The following TNNI3K variants were observed in gnomAD, a reference collection of about 807,000 sequenced individuals.
TNNI3K encodes the protein TNNI3 interacting kinase.
A neutral mutation model predicts 114.5 loss-of-function variants in TNNI3K; 140 were observed. That is an observed-to-expected ratio of 1.22 (90% CI 1.07 to 1.41). The LOEUF is 1.41. TNNI3K is among the 40% of genes most tolerant of loss of function. The probability of loss-of-function intolerance (pLI) is 0.00; values close to 1 mark genes in which losing one functional copy is unlikely to be tolerated. For synonymous variants in TNNI3K, 347 were observed against 347.5 expected (o/e 1.00, Z 0.02); for missense variants, 1,125 against 1,007.6 (o/e 1.12, Z -1.58).
chr1:74,491,013 T>C (rs1464361155), intron 22 of TNNI3K, among the ~76,000 whole-genome samples: 1 of 152,126 alleles, frequency 6.6e-6, no homozygotes, highest in Non-Finnish European at 1.5e-5. Flanking sequence ...ATAAAAGATA[T>C]GATTAGTCTT....
At chr1:74,523,508 C>T (rs1435006492) in intron 23 of TNNI3K, among the ~76,000 whole-genome samples, 3 of 128,894 alleles carry the variant, frequency 2.3e-5, no homozygotes, top group East Asian at 6.7e-4. Context: ...GAAAGAGACT[C>T]ACTTAAAAAA....
At chr1:74,357,072 A>G (rs998383463) in intron 11 of TNNI3K, among the ~76,000 whole-genome samples, 2 of 152,178 alleles carry the variant, frequency 1.3e-5, no homozygotes, top group African/African-American at 4.8e-5. Flanking sequence ...TAATATTGTC[A>G]GCAGTGCACC....
intron 23 of TNNI3K, among the ~76,000 whole-genome samples, chr1:74,515,572 G>C (rs151290968): frequency 6.6e-6 from 1 of 152,196 alleles, no homozygotes; most frequent in Non-Finnish European, 1.5e-5. Flanking sequence ...TAGGGCAGAA[G>C]TCAGGAAGAG....
At chr1:74,524,307 AGCTCTGTGGGCCT>A (rs1557626632) in intron 23 of TNNI3K, among the ~76,000 whole-genome samples, 1 of 152,236 alleles carries the variant, frequency 6.6e-6, no homozygotes. Flanking sequence ...CAAAGTGAAT[AGCTCTGTGGGCCT>A]GCCAGAAACA....
rs748280913 is a variant in TNNI3K, at chr1:74,489,188, G to A, written c.2122-1G>A. ...AAAAAAGTTCTTTTTTCTATTTACA[G>A]GGAAGACCCGAATTTTCTGAAGTTG... On this transcript the variant is annotated splice_acceptor_variant, in intron 21 of 24. Transcript: ENST00000326637. LOFTEE classifies it high-confidence loss of function. 4.3e-6 allele frequency: 7 copies of A among 1,610,028 alleles called. No homozygotes were observed. The highest frequency in any genetic ancestry group is 5.9e-6 in the Non-Finnish European group (7 of 1,178,356).
intron 17 of TNNI3K, among the ~76,000 whole-genome samples, chr1:74,430,409 T>G (rs530242412): frequency 6.6e-6 from 1 of 152,090 alleles, no homozygotes; most frequent in East Asian, 1.9e-4. Context: ...TCCATTCACT[T>G]TTGGTTAAAA....
chr1:74,319,814 T>C (rs1659511609), intron 5 of TNNI3K, among the ~76,000 whole-genome samples: 1 of 152,230 alleles, frequency 6.6e-6, no homozygotes, highest in East Asian at 1.9e-4. Flanking sequence ...AGCTCTACTC[T>C]GTCATAGTAC....
intron 17 of TNNI3K, among the ~76,000 whole-genome samples, chr1:74,405,497 T>A (rs1357569544): frequency 6.6e-6 from 1 of 152,158 alleles, no homozygotes; most frequent in Non-Finnish European, 1.5e-5. Flanking sequence ...ATAATGAGAA[T>A]AAACCAAAGT....
chr1:74,332,208 G>A (rs940175167), intron 6 of TNNI3K, among the ~76,000 whole-genome samples: 1 of 151,734 alleles, frequency 6.6e-6, no homozygotes, highest in South Asian at 2.1e-4. Context: ...ATTGCCACAT[G>A]ACTGAGCTTA....
intron 17 of TNNI3K, among the ~76,000 whole-genome samples, chr1:74,433,972 TGCTCCCAGATAG>T (rs1016492581): frequency 2.6e-5 from 4 of 152,084 alleles, no homozygotes; most frequent in East Asian, 3.9e-4. Flanking sequence ...ATATTTAAAC[TGCTCCCAGATAG>T]GCTCCCAGAT....
In TNNI3K at chr1:74,436,544, T is replaced by C. The variant is rs758263593; in HGVS notation, c.1878+18T>C. The C allele has an allele frequency of 6.3e-7, 1 of 1,581,822 alleles. No individual in the cohort carries two copies. Among genetic ancestry groups the C allele is most frequent in the African/African-American group, 1.4e-5 (1 of 72,438 alleles). ...AACCTGGGGTTTGCTGCTGCTTGTG[T>C]TTCCTATAATTATAAACCAATTAAA... On this transcript the variant is annotated intron_variant, in intron 19 of 24. Coordinates refer to ENST00000326637, the MANE Select transcript of TNNI3K (RefSeq NM_015978.3).
intron 11 of TNNI3K, among the ~76,000 whole-genome samples, chr1:74,362,223 A>G (rs1021749655): frequency 6.6e-6 from 1 of 152,106 alleles, no homozygotes; most frequent in Non-Finnish European, 1.5e-5. Flanking sequence ...TTTTAACATA[A>G]TGGGAAGGGG....
At chr1:74,287,062 A>C (rs969915279) in intron 5 of TNNI3K, among the ~76,000 whole-genome samples, 1 of 151,508 alleles carries the variant, frequency 6.6e-6, no homozygotes, top group East Asian at 1.9e-4. Context: ...TGAACTAAAA[A>C]ATTTCACAGA....
intron 4 of TNNI3K, among the ~76,000 whole-genome samples, chr1:74,251,688 G>C (rs754039085): frequency 6.6e-6 from 1 of 152,154 alleles, no homozygotes; most frequent in Admixed American, 6.5e-5. Flanking sequence ...TGGGAGGAGG[G>C]ACAACTTTTT....
chr1:74,334,066 G>T (rs1347763195), intron 6 of TNNI3K, among the ~76,000 whole-genome samples: 1 of 152,214 alleles, frequency 6.6e-6, no homozygotes, highest in Non-Finnish European at 1.5e-5. Context: ...ACTTTTCTGA[G>T]TGCTTTTCAT....
At chr1:74,509,815 C>T (rs1377431334) in intron 23 of TNNI3K, among the ~76,000 whole-genome samples, 4 of 113,072 alleles carry the variant, frequency 3.5e-5, no homozygotes, top group African/African-American at 6.9e-5. Context: ...TACAGTTGTG[C>T]GATTATGGCT....
At chr1:74,405,742 A>T (rs1434798509) in intron 17 of TNNI3K, among the ~76,000 whole-genome samples, 1 of 152,202 alleles carries the variant, frequency 6.6e-6, no homozygotes, top group Non-Finnish European at 1.5e-5. Context: ...TCCTATGATC[A>T]ACTACTGGGC....
At chr1:74,484,212 TA>T (rs36109808) in intron 21 of TNNI3K, among the ~76,000 whole-genome samples, 1,502 of 144,622 alleles carry the variant, frequency 0.01, 24 homozygotes, top group African/African-American at 0.031. Context: ...CCTGGTTGAT[TA>T]AAAAAAAAAA....
chr1:74,345,669 G>C (rs543224171), intron 9 of TNNI3K, among the ~76,000 whole-genome samples: 2 of 152,238 alleles, frequency 1.3e-5, no homozygotes, highest in South Asian at 4.1e-4. Context: ...CCCAGTGCTA[G>C]TTCTTTCCAG....
Sources: allele counts gnomAD v4.1 joint callset (sites outside exome capture counted in the v4.1 genomes callset), GRCh38; gene constraint gnomAD v4.1.1; transcripts MANE v1.5; gene names NCBI Gene and HGNC (gene_info 2026-07-23, HGNC 2026-07-21).